RIMBP2: variants seen among roughly 807,000 people sequenced by gnomAD.
RIMBP2 encodes RIMS-binding protein 2.
Under a neutral mutation model 118.6 loss-of-function variants are expected in RIMBP2, and 48 were observed. The observed-to-expected ratio is 0.40, with a 90% CI of 0.32 to 0.51. RIMBP2 has a LOEUF of 0.51. Ranked by LOEUF, RIMBP2 falls within the 20% of genes least tolerant of loss-of-function variation. RIMBP2 has a pLI of 0.41. For synonymous variants in RIMBP2, 762 were observed against 742.9 expected (o/e 1.03, Z -0.42); for missense variants, 1,551 against 1,768.3 (o/e 0.88, Z 2.20).
rs1310795527 is a variant in RIMBP2, at chr12:130,609,470, CTG to C, written c.-217+18850_-217+18851del. On this transcript the variant is annotated intron_variant, in intron 2 of 22. Coordinates refer to ENST00000690449, the MANE Select transcript of RIMBP2 (RefSeq NM_001393629.1). ...GACCCCCAGAGGAGAACTGAGCCAC[CTG>C]GGGGACCTTCTCTGGTGAGGTCGGG... Among the ~76,000 whole-genome samples, 125 of 132,694 alleles carry C rather than the reference CTG, an allele frequency of 9.4e-4. 8 individuals carry two copies. Among genetic ancestry groups the C allele is most frequent in the Admixed American group, 2.7e-3 (37 of 13,910 alleles). The allele number at this position is 132,694 out of a possible 152,430, so 87.1% of individuals were successfully genotyped here.
intron 2 of RIMBP2, among the ~76,000 whole-genome samples, chr12:130,528,061 G>A (rs2052996722): frequency 6.6e-6 from 1 of 152,116 alleles, no homozygotes; most frequent in Non-Finnish European, 1.5e-5. Flanking sequence ...CCTAGAACCA[G>A]AAATATCATT....
chr12:130,679,830 C>T (rs1285041260), intron 1 of RIMBP2, among the ~76,000 whole-genome samples: 1 of 152,250 alleles, frequency 6.6e-6, no homozygotes, highest in Non-Finnish European at 1.5e-5. Context: ...GTTCACCCAC[C>T]GCGGGAAGGA....
intron 2 of RIMBP2, among the ~76,000 whole-genome samples, chr12:130,541,756 G>A (rs963225838): frequency 2.6e-5 from 4 of 152,222 alleles, no homozygotes; most frequent in Non-Finnish European, 4.4e-5. Flanking sequence ...CAACATTTAC[G>A]TCACAGCTTC....
At chr12:130,428,450 G>A (rs2076936847) in intron 14 of RIMBP2, 113 bp from the exon 15 acceptor site, 10 of 1,099,038 alleles carry the variant, frequency 9.1e-6, no homozygotes, top group Non-Finnish European at 1.0e-5. Context: ...GGGCTCACAG[G>A]CCTAGAGACG....
At position 130,434,487 on chromosome 12, in the gene RIMBP2, T is replaced by C. The variant is rs574498572; in HGVS notation, c.2253+247A>G. Reference sequence around the variant, plus strand: ...CCACCCCTATGACCGAATACCAGGATGGTGCAGCGGGGGAGGGTGGAAGCC... The same window carrying C: ...CCACCCCTATGACCGAATACCAGGACGGTGCAGCGGGGGAGGGTGGAAGCC... On this transcript the variant is annotated intron_variant, in intron 14 of 22. Coordinates refer to ENST00000690449, the MANE Select transcript of RIMBP2 (RefSeq NM_001393629.1). This position sits in a 1 kb window ranked among gnomAD's most constrained non-coding sequence, Gnocchi z 5.7. 6.6e-6 allele frequency among the ~76,000 whole-genome samples: 1 copy of C among 152,326 alleles called. No homozygotes were observed. Among genetic ancestry groups the C allele is most frequent in the East Asian group, 1.9e-4 (1 of 5,180 alleles).
At chr12:130,515,764 C>T (rs1479038820) in intron 3 of RIMBP2, among the ~76,000 whole-genome samples, 1 of 152,004 alleles carries the variant, frequency 6.6e-6, no homozygotes. Context: ...ATGGCATGAT[C>T]TCGGCTCACT....
intron 1 of RIMBP2, chr12:130,668,236 A>G (rs2064037930): frequency 6.6e-6 from 1 of 152,226 alleles, no homozygotes; most frequent in South Asian, 2.1e-4. Flanking sequence ...AGGTGACGGT[A>G]AGAACACTCG....
Position 130,434,695 on chromosome 12 carries a change from C to G in RIMBP2, c.2253+39G>C. The G allele has an allele frequency of 6.3e-7, 1 of 1,586,642 alleles. No homozygotes were observed. Among genetic ancestry groups the G allele is most frequent in the African/African-American group, 1.4e-5 (1 of 73,876 alleles). On this transcript the variant is annotated intron_variant, in intron 14 of 22. Transcript: ENST00000690449. This position sits in a 1 kb window ranked among gnomAD's most constrained non-coding sequence, Gnocchi z 5.7. ...CCACGGGGCCCGCTCCGAGCCCGCG[C>G]CCACCAGGAGGATGGTGTGGGGCCC...
Position 130,659,709 on chromosome 12 carries a change from A to G in RIMBP2, c.-351-31253T>C, listed in dbSNP as rs999000443. On this transcript the variant is annotated intron_variant, in intron 1 of 22. Transcript: ENST00000690449. Reference sequence around the variant, plus strand: ...TAATGCCGGCCGGGCACGGTGGCTCATGCCCGTAATCCCAGCATTTTGGGA... The same window carrying G: ...TAATGCCGGCCGGGCACGGTGGCTCGTGCCCGTAATCCCAGCATTTTGGGA... Among the ~76,000 whole-genome samples the G allele has an allele frequency of 1.5e-4, 23 of 152,272 alleles. No homozygotes were observed. The East Asian group carries it at 4.5e-3, about 29-fold the overall frequency.
At chr12:130,549,171 G>A (rs2055484213) in intron 2 of RIMBP2, among the ~76,000 whole-genome samples, 1 of 152,132 alleles carries the variant, frequency 6.6e-6, no homozygotes, top group Non-Finnish European at 1.5e-5. Flanking sequence ...CTCTAGGCTG[G>A]TGGATATTTC....
Position 130,436,936 on chromosome 12 carries a change from C to T in RIMBP2, c.2012G>A (p.Arg671His), listed in dbSNP as rs772190445. Residue 671 changes from arginine (R) to histidine (H), a missense_variant, in exon 13 of 23, where the codon CGC (arginine) becomes CAC (histidine). By Grantham distance (29) the Arg-to-His change is conservative. Coordinates refer to ENST00000690449, the MANE Select transcript of RIMBP2 (RefSeq NM_001393629.1). ...GGTGCCCTGTGGCTGTGGCAGGATG[C>T]GGCTGGGTGAGGGCGACCGCCTTCC... is the stretch of plus-strand genomic sequence containing the variant. The part of the protein sequence containing the change: ...GPGRRSPSPS[R>H]ILPQPQGTPV... 41 of 1,600,168 alleles carry T rather than the reference C, an allele frequency of 2.6e-5. No homozygotes were observed. Among genetic ancestry groups the T allele is most frequent in the Middle Eastern group, 1.7e-4 (1 of 5,718 alleles).
At position 130,517,851 on chromosome 12, in the gene RIMBP2, T is replaced by A. The variant is rs1008936512; in HGVS notation, c.-150A>T. The A allele has an allele frequency of 1.4e-5, 14 of 985,688 alleles. No homozygotes were observed. Among genetic ancestry groups the A allele is most frequent in the Non-Finnish European group, 1.7e-5 (14 of 829,832 alleles). The allele number at this position is 985,688 out of a possible 1,614,324, so 61.1% of individuals were successfully genotyped here. ...ACCTTGTCATGCTGCCGGGCCCTTG[T>A]GGGAAGGCCTGCATGATGGGATCTC... On this transcript the variant is annotated 5_prime_UTR_variant, in exon 3 of 23. Coordinates refer to ENST00000690449, the MANE Select transcript of RIMBP2 (RefSeq NM_001393629.1).
chr12:130,648,742 C>T (rs533195950), intron 1 of RIMBP2, among the ~76,000 whole-genome samples: 5 of 143,726 alleles, frequency 3.5e-5, no homozygotes, highest in South Asian at 2.2e-4. Context: ...CCGCAACCTC[C>T]GCCTCCCGGG....
chr12:130,701,461 G>T (rs773536758), intron 1 of RIMBP2, among the ~76,000 whole-genome samples: 41 of 152,180 alleles, frequency 2.7e-4, no homozygotes, highest in Non-Finnish European at 5.1e-4. Flanking sequence ...TCCAAAGAAT[G>T]CCGACAGCCA....
At chr12:130,440,903 C>A (rs1177857592) in intron 11 of RIMBP2, among the ~76,000 whole-genome samples, 1 of 152,068 alleles carries the variant, frequency 6.6e-6, no homozygotes, top group African/African-American at 2.4e-5. Flanking sequence ...TGCTGGCTGC[C>A]CAGTAACTCA....
chr12:130,501,999 G>A (rs1840368204), intron 4 of RIMBP2, among the ~76,000 whole-genome samples: 1 of 152,228 alleles, frequency 6.6e-6, no homozygotes, highest in Non-Finnish European at 1.5e-5. Context: ...AATTCGAGAA[G>A]TGCCTTGCCC....
chr12:130,587,277 C>G (rs1169964171), intron 2 of RIMBP2, among the ~76,000 whole-genome samples: 1 of 104,828 alleles, frequency 9.5e-6, no homozygotes, highest in East Asian at 4.2e-4. Context: ...GTGGCGATTC[C>G]TCAGGGATCT....
At chr12:130,506,326 C>T (rs2050344975) in intron 4 of RIMBP2, among the ~76,000 whole-genome samples, 1 of 152,184 alleles carries the variant, frequency 6.6e-6, no homozygotes, top group South Asian at 2.1e-4. Flanking sequence ...ACTGTAGCCA[C>T]CTCTGGTCTT....
intron 2 of RIMBP2, among the ~76,000 whole-genome samples, chr12:130,535,375 C>T (rs2053898486): frequency 6.6e-6 from 1 of 151,876 alleles, no homozygotes; most frequent in South Asian, 2.1e-4. Flanking sequence ...ATTAGCAGGG[C>T]ATGGTGGCAC....
Sources: gnomAD v4.1 joint callset for allele counts (sites outside exome capture counted in the v4.1 genomes callset) on GRCh38, gnomAD v4.1.1 for gene constraint, Gnocchi (gnomAD v3.1) non-coding constraint, MANE v1.5 for transcripts, NCBI Gene and HGNC (gene_info 2026-07-23, HGNC 2026-07-21) for gene names.